PSMB2: variants seen among roughly 807,000 people sequenced by gnomAD.
PSMB2 encodes proteasome 20S subunit beta 2.
A neutral mutation model predicts 25.7 loss-of-function variants in PSMB2; 13 were observed. That is an observed-to-expected ratio of 0.51 (90% CI 0.33 to 0.80). The LOEUF is 0.80. Among genes scored for constraint, PSMB2 ranks in the 30% least tolerant of loss-of-function variants. The probability of loss-of-function intolerance (pLI) is 0.02; values close to 1 mark genes in which losing one functional copy is unlikely to be tolerated. For synonymous variants in PSMB2, 87 were observed against 96.2 expected, an observed-to-expected ratio of 0.90 and a Z score of 0.56; for missense variants, 202 against 259.0, an observed-to-expected ratio of 0.78 and a Z score of 1.51.
chr1:35,627,140 G>A (rs924887258), intron 3 of PSMB2, among the ~76,000 whole-genome samples: 3 of 150,716 alleles, frequency 2.0e-5, no homozygotes, highest in African/African-American at 4.9e-5. Context: ...GTGGCTTGGC[G>A]CCTGTAGTTC....
intron 2 of PSMB2, among the ~76,000 whole-genome samples, chr1:35,635,077 T>C (rs556563726): frequency 8.0e-4 from 121 of 151,870 alleles, no homozygotes; most frequent in African/African-American, 2.8e-3. Context: ...CTGACCAACA[T>C]GGAGAAACCC....
intron 3 of PSMB2, among the ~76,000 whole-genome samples, chr1:35,610,782 C>T (rs1650306647): frequency 6.6e-6 from 1 of 152,254 alleles, no homozygotes; most frequent in Admixed American, 6.5e-5. Flanking sequence ...GCGTGAGCCA[C>T]TGCGCCCGGC....
At chr1:35,604,215 GCTGGTTTTTGACCTCCC>G (rs1219305648) in intron 5 of PSMB2, among the ~76,000 whole-genome samples, 1 of 152,054 alleles carries the variant, frequency 6.6e-6, no homozygotes, top group Non-Finnish European at 1.5e-5. Context: ...AACTAATGTG[GCTGGTTTTTGACCTCCC>G]CATTCCCCCA....
chr1:35,612,007 C>T (rs755999480), intron 3 of PSMB2, among the ~76,000 whole-genome samples: 3 of 152,102 alleles, frequency 2.0e-5, no homozygotes, highest in Non-Finnish European at 4.4e-5. Context: ...GAATTCTAAG[C>T]CAGCTGTGCT....
In PSMB2 at chr1:35,600,915, A is replaced by G; in HGVS notation, c.*2352T>C. The G allele has an allele frequency of 1.0e-6, 1 of 984,244 alleles. No homozygotes were observed. Among genetic ancestry groups the G allele is most frequent in the Non-Finnish European group, 1.2e-6 (1 of 828,978 alleles). The allele number at this position is 984,244 out of a possible 1,614,324, so 61.0% of individuals were successfully genotyped here. On this transcript the variant is annotated 3_prime_UTR_variant, in exon 6 of 6. Transcript: ENST00000373237. Reference sequence around the variant, plus strand: ...AGCCCTGAACTAAATGTTTACCTATATTACTTCATGGAATTCTCATATCTA... The same window carrying G: ...AGCCCTGAACTAAATGTTTACCTATGTTACTTCATGGAATTCTCATATCTA...
Position 35,599,711 on chromosome 1 carries a change from G to C in PSMB2, c.*3556C>G, listed in dbSNP as rs939805539. 2.0e-6 allele frequency: 2 copies of C among 985,004 alleles called. No homozygotes were observed. The highest frequency in any genetic ancestry group is 2.4e-6 in the Non-Finnish European group (2 of 829,644). The allele number at this position is 985,004 out of a possible 1,614,324, so 61.0% of individuals were successfully genotyped here. A position where few individuals can be genotyped will look rare whatever the true frequency, so the allele number is the denominator to read the frequency against. ...TTAAGGGCAGAGAGGAATGGATGGTGAAACTAGTTTTTTAAAATATGGAGA... is the reference window on the plus strand; with the variant it reads ...TTAAGGGCAGAGAGGAATGGATGGTCAAACTAGTTTTTTAAAATATGGAGA... On this transcript the variant is annotated 3_prime_UTR_variant, in exon 6 of 6. Coordinates refer to ENST00000373237, the MANE Select transcript of PSMB2 (RefSeq NM_002794.5).
chr1:35,629,069 A>G (rs935218759), intron 3 of PSMB2, among the ~76,000 whole-genome samples: 4 of 152,264 alleles, frequency 2.6e-5, no homozygotes, highest in Non-Finnish European at 5.9e-5. Context: ...TTGACACTTT[A>G]TGCCTTTCAC....
Position 35,600,126 on chromosome 1 carries a change from G to T in PSMB2, c.*3141C>A. 1 of 949,746 alleles carries T rather than the reference G, an allele frequency of 1.1e-6. No homozygotes were observed. Among genetic ancestry groups the T allele is most frequent in the Non-Finnish European group, 1.3e-6 (1 of 797,714 alleles). The allele number at this position is 949,746 out of a possible 1,614,324, so 58.8% of individuals were successfully genotyped here. A position where few individuals can be genotyped will look rare whatever the true frequency, so the allele number is the denominator to read the frequency against. On this transcript the variant is annotated 3_prime_UTR_variant, in exon 6 of 6. Coordinates refer to ENST00000373237, the MANE Select transcript of PSMB2 (RefSeq NM_002794.5). ...CCACTGTACTCCAGCCTAGGTGATG[G>T]AGCAAGACCCTGTCTCTGAAAAACA...
chr1:35,637,764 C>T (rs1651285860), intron 1 of PSMB2, among the ~76,000 whole-genome samples: 1 of 152,156 alleles, frequency 6.6e-6, no homozygotes, highest in African/African-American at 2.4e-5. Flanking sequence ...ATCAAATTGC[C>T]TCAAAACTCC....
intron 2 of PSMB2, among the ~76,000 whole-genome samples, chr1:35,635,828 CAAAAAAAAAAAAA>C (rs1163061850): frequency 1.8e-4 from 6 of 34,242 alleles, no homozygotes; most frequent in South Asian, 1.9e-3. Flanking sequence ...GACTCCGTCT[CAAAAAAAAAAAAA>C]AAAAAAAAAA....
At chr1:35,629,865 C>T (rs774767286) in intron 3 of PSMB2, among the ~76,000 whole-genome samples, 56 of 151,956 alleles carry the variant, frequency 3.7e-4, no homozygotes, top group Non-Finnish European at 6.9e-4. Flanking sequence ...TAAGCAATCT[C>T]GAGATAAAAA....
intron 3 of PSMB2, among the ~76,000 whole-genome samples, chr1:35,610,998 T>C (rs1037609259): frequency 2.6e-5 from 4 of 152,168 alleles, no homozygotes; most frequent in Non-Finnish European, 5.9e-5. Flanking sequence ...ATTTTTTTTT[T>C]CTACACCAGC....
intron 1 of PSMB2, among the ~76,000 whole-genome samples, chr1:35,636,791 A>G (rs1456397135): frequency 6.6e-6 from 1 of 152,206 alleles, no homozygotes. Flanking sequence ...CCATGTATAT[A>G]ATGGACTTTA....
intron 3 of PSMB2, among the ~76,000 whole-genome samples, chr1:35,628,476 C>A (rs1650929886): frequency 6.7e-6 from 1 of 149,912 alleles, no homozygotes; most frequent in African/African-American, 2.5e-5. Flanking sequence ...TGCTGAACAC[C>A]ACAGGAACTT....
chr1:35,635,370 T>C (rs958043468), intron 2 of PSMB2, among the ~76,000 whole-genome samples: 2 of 151,896 alleles, frequency 1.3e-5, no homozygotes, highest in Non-Finnish European at 2.9e-5. Context: ...TCCTCCCCAA[T>C]TGCTGGGATT....
chr1:35,628,629 A>ATTTTT (rs1401010119), intron 3 of PSMB2, among the ~76,000 whole-genome samples: 2 of 43,588 alleles, frequency 4.6e-5, no homozygotes, highest in African/African-American at 2.2e-4. Context: ...ATATATATAT[A>ATTTTT]TATTTTTTTT....
intron 3 of PSMB2, among the ~76,000 whole-genome samples, chr1:35,628,411 T>C (rs928086054): frequency 9.2e-5 from 14 of 151,362 alleles, no homozygotes; most frequent in Non-Finnish European, 1.6e-4. Flanking sequence ...CTGGAATTCT[T>C]ACTCCGGTTC....
intron 3 of PSMB2, among the ~76,000 whole-genome samples, chr1:35,614,367 T>C (rs76901887): frequency 2.0e-5 from 3 of 152,196 alleles, no homozygotes; most frequent in African/African-American, 7.2e-5. Flanking sequence ...GCACTGCCAG[T>C]GATCCTCTTG....
chr1:35,637,348 A>C (rs1338921669), intron 1 of PSMB2, among the ~76,000 whole-genome samples: 2 of 152,232 alleles, frequency 1.3e-5, no homozygotes, highest in African/African-American at 2.4e-5. Flanking sequence ...ATTCTAGTGA[A>C]TATTTTGACA....
Sources: allele counts gnomAD v4.1 joint callset (sites outside exome capture counted in the v4.1 genomes callset), GRCh38; gene constraint gnomAD v4.1.1; transcripts MANE v1.5; gene names NCBI Gene and HGNC (gene_info 2026-07-23, HGNC 2026-07-21).